TMC1: variants seen among roughly 807,000 people sequenced by gnomAD.
The protein encoded by TMC1 is transmembrane channel like 1, also known as transmembrane channel-like protein 1.
TMC1 carries 84 observed loss-of-function variants against 105.8 expected under a neutral mutation model. The ratio of observed to expected loss-of-function variants is 0.79; its 90% CI spans 0.67 to 0.95. The LOEUF is 0.95. Ranked by LOEUF, TMC1 falls within the 40% of genes least tolerant of loss-of-function variation. The probability of loss-of-function intolerance (pLI) is 0.00; values close to 1 mark genes in which losing one functional copy is unlikely to be tolerated. For missense variants in TMC1, 817 were observed against 914.1 expected, an observed-to-expected ratio of 0.89 and a Z score of 1.37; for synonymous variants, 315 against 311.5, an observed-to-expected ratio of 1.01 and a Z score of -0.12.
intron 1 of TMC1, among the ~76,000 whole-genome samples, chr9:72,572,122 C>T (rs977260972): frequency 2.0e-5 from 3 of 152,166 alleles, no homozygotes; most frequent in African/African-American, 7.2e-5. Flanking sequence ...AGGTGTGAGC[C>T]ACTGTGCTTG....
intron 6 of TMC1, among the ~76,000 whole-genome samples, chr9:72,689,001 G>C (rs1826418941): frequency 6.6e-6 from 1 of 152,078 alleles, no homozygotes; most frequent in South Asian, 2.1e-4. Flanking sequence ...ACAAGCAAAA[G>C]ACATGTTAAT....
rs182447868 is a variant in TMC1 at position 72,582,436 on chromosome 9, T to C, written c.-306+4413T>C. ...CTGAAATTTAAAGCACAGTTGATCT[T>C]GGCTTGGATAGGCAGCCTGCATATT... On this transcript the variant is annotated intron_variant, in intron 2 of 23. Coordinates refer to ENST00000297784, the MANE Select transcript of TMC1 (RefSeq NM_138691.3). Among the ~76,000 whole-genome samples, 39 of 152,356 alleles carry C rather than the reference T, an allele frequency of 2.6e-4. 2 individuals carry two copies. The East Asian group carries it at 6.9e-3, about 27-fold the overall frequency.
chr9:72,695,788 T>C (rs530841712), intron 7 of TMC1, among the ~76,000 whole-genome samples: 1 of 152,306 alleles, frequency 6.6e-6, no homozygotes, highest in African/African-American at 2.4e-5. Context: ...CTACTTCATG[T>C]CTAAGTTTTC....
chr9:72,681,380 GA>G (rs1378512623), intron 5 of TMC1, among the ~76,000 whole-genome samples: 1 of 151,924 alleles, frequency 6.6e-6, no homozygotes, highest in African/African-American at 2.4e-5. Context: ...TTTATTTATT[GA>G]ATATGTATAG....
intron 17 of TMC1, among the ~76,000 whole-genome samples, chr9:72,795,451 G>T (rs1167433536): frequency 6.6e-6 from 1 of 152,168 alleles, no homozygotes; most frequent in Non-Finnish European, 1.5e-5. Context: ...AGATGTCTCA[G>T]CTGAAACCCT....
chr9:72,743,838 T>C (rs1295929946), intron 10 of TMC1, among the ~76,000 whole-genome samples: 1 of 152,160 alleles, frequency 6.6e-6, no homozygotes, highest in Admixed American at 6.5e-5. Context: ...TAGTAAATTG[T>C]TTTTTAAAAT....
At chr9:72,624,443 T>G (rs1825310739) in intron 3 of TMC1, among the ~76,000 whole-genome samples, 1 of 152,196 alleles carries the variant, frequency 6.6e-6, no homozygotes, top group Non-Finnish European at 1.5e-5. Flanking sequence ...CTTTTTTTCT[T>G]GTCCTGTCGA....
chr9:72,800,509 G>T (rs1237164611), intron 17 of TMC1, among the ~76,000 whole-genome samples: 1 of 152,160 alleles, frequency 6.6e-6, no homozygotes, highest in Non-Finnish European at 1.5e-5. Flanking sequence ...ATAGGAATGC[G>T]AATGCAATCT....
chr9:72,663,457 G>T (rs1175571756), intron 5 of TMC1, among the ~76,000 whole-genome samples: 6 of 152,162 alleles, frequency 3.9e-5, no homozygotes, highest in South Asian at 2.1e-4. Flanking sequence ...AAAGAAGGGG[G>T]TTTATTTAAG....
chr9:72,705,268 A>T (rs2117886796), intron 8 of TMC1, among the ~76,000 whole-genome samples: 1 of 152,332 alleles, frequency 6.6e-6, no homozygotes, highest in African/African-American at 2.4e-5. Flanking sequence ...GTAGATTGAA[A>T]GTGCTCATGA....
chr9:72,717,225 G>A (rs190788345), intron 8 of TMC1, among the ~76,000 whole-genome samples: 137 of 152,272 alleles, frequency 9.0e-4, no homozygotes, highest in Non-Finnish European at 1.5e-3. Context: ...CCAGCAAATC[G>A]GTGAATTGTT....
Position 72,821,073 on chromosome 9 carries a change from T to A in TMC1, c.1995T>A (p.Gly665=), listed in dbSNP as rs1828864200. Residue 665 remains glycine, a synonymous_variant, in exon 20 of 24, where the codon GGT becomes GGA. Coordinates refer to ENST00000297784, the MANE Select transcript of TMC1 (RefSeq NM_138691.3). ...IVSLPPSFDC[G]PFSGKNRMFE... is the part of the protein sequence containing the mutation. ...CCCTCCCACCATCTTTTGATTGTGG[T>A]CCATTCAGGTCTCTTGCTTTTGAAA... The A allele has an allele frequency of 6.2e-7, 1 of 1,614,178 alleles. No individual in the cohort carries two copies. Among genetic ancestry groups the A allele is most frequent in the Non-Finnish European group, 8.5e-7 (1 of 1,180,020 alleles).
chr9:72,829,643 T>C (rs144017598), intron 21 of TMC1, among the ~76,000 whole-genome samples: 1 of 152,332 alleles, frequency 6.6e-6, no homozygotes, highest in African/African-American at 2.4e-5. Context: ...GTATCAATAA[T>C]TGTGTTGCTA....
intron 8 of TMC1, among the ~76,000 whole-genome samples, chr9:72,709,500 T>A (rs1826798532): frequency 6.6e-6 from 1 of 152,196 alleles, no homozygotes; most frequent in Non-Finnish European, 1.5e-5. Flanking sequence ...TGGTAATTTT[T>A]AAATTACTAT....
chr9:72,773,917 C>T (rs1435978491), intron 13 of TMC1, among the ~76,000 whole-genome samples: 1 of 152,088 alleles, frequency 6.6e-6, no homozygotes, highest in Admixed American at 6.5e-5. Context: ...CTCCTGTTTC[C>T]CCTTGGTAAT....
At chr9:72,545,482 A>G (rs564428701) in intron 1 of TMC1, among the ~76,000 whole-genome samples, 1 of 152,226 alleles carries the variant, frequency 6.6e-6, no homozygotes, top group African/African-American at 2.4e-5. Context: ...AGACAGTTTA[A>G]CCAGATTTGT....
At chr9:72,669,676 G>A (rs1047016238) in intron 5 of TMC1, among the ~76,000 whole-genome samples, 1 of 151,640 alleles carries the variant, frequency 6.6e-6, no homozygotes, top group Non-Finnish European at 1.5e-5. Flanking sequence ...GTAAGAGATA[G>A]CTAGTCTCTT....
At chr9:72,586,083 A>G (rs904254000) in intron 2 of TMC1, among the ~76,000 whole-genome samples, 10 of 152,220 alleles carry the variant, frequency 6.6e-5, no homozygotes, top group African/African-American at 2.4e-4. Context: ...TTCAACATGC[A>G]CTAATATATA....
chr9:72,760,803 T>C (rs1027117376), intron 12 of TMC1, among the ~76,000 whole-genome samples: 1 of 152,166 alleles, frequency 6.6e-6, no homozygotes, highest in African/African-American at 2.4e-5. Flanking sequence ...CAGAAAATCT[T>C]TGGGGTAAGG....
Sources: allele counts gnomAD v4.1 joint callset (sites outside exome capture counted in the v4.1 genomes callset), GRCh38; gene constraint gnomAD v4.1.1; transcripts MANE v1.5; gene names NCBI Gene and HGNC (gene_info 2026-07-23, HGNC 2026-07-21).